The following CAMK2D variants were observed in gnomAD, a reference collection of about 807,000 sequenced individuals.
CAMK2D encodes the protein calcium/calmodulin-dependent protein kinase type II subunit delta.
In CAMK2D, 37 loss-of-function variants were observed where a neutral mutation model predicts 84.0. That is an observed-to-expected ratio of 0.44 (90% CI 0.34 to 0.58). CAMK2D has a LOEUF of 0.58. CAMK2D is among the 20% of genes least tolerant of loss of function. The pLI is 0.02. For synonymous variants in CAMK2D, 202 were observed against 212.5 expected (o/e 0.95, Z 0.43); for missense variants, 448 against 652.5 (o/e 0.69, Z 3.41).
chr4:113,514,143 G>A (rs192879991), intron 10 of CAMK2D, among the ~76,000 whole-genome samples: 237 of 152,312 alleles, frequency 1.6e-3, no homozygotes, highest in Non-Finnish European at 2.5e-3. Context: ...GGCCGGGCGC[G>A]GTGGGTCACG....
intron 2 of CAMK2D, among the ~76,000 whole-genome samples, chr4:113,691,589 T>A (rs982541141): frequency 6.6e-6 from 1 of 151,796 alleles, no homozygotes; most frequent in African/African-American, 2.4e-5. Context: ...ACCGTCTCTA[T>A]GAAAAGTACA....
intron 2 of CAMK2D, among the ~76,000 whole-genome samples, chr4:113,733,864 A>G (rs574718240): frequency 6.6e-6 from 1 of 152,340 alleles, no homozygotes; most frequent in East Asian, 1.9e-4. Context: ...TCTGACTTTT[A>G]AAATACATAC....
chr4:113,626,891 C>T (rs1049871678), intron 3 of CAMK2D, among the ~76,000 whole-genome samples: 5 of 152,082 alleles, frequency 3.3e-5, no homozygotes, highest in Admixed American at 6.6e-5. Flanking sequence ...TTTAATTTCG[C>T]GGTATGATGA....
chr4:113,612,213 G>A (rs2099003153), intron 3 of CAMK2D, among the ~76,000 whole-genome samples: 1 of 152,094 alleles, frequency 6.6e-6, no homozygotes, highest in South Asian at 2.1e-4. Context: ...CAGAGTTGAT[G>A]GTATGTCTAA....
At chr4:113,603,846 G>A (rs1213990962) in intron 4 of CAMK2D, among the ~76,000 whole-genome samples, 1 of 145,376 alleles carries the variant, frequency 6.9e-6, no homozygotes, top group Non-Finnish European at 1.5e-5. Flanking sequence ...TCACACCTGA[G>A]CACTTGGGGA....
chr4:113,717,476 T>G (rs1593489658), intron 2 of CAMK2D, among the ~76,000 whole-genome samples: 1 of 152,130 alleles, frequency 6.6e-6, no homozygotes, highest in African/African-American at 2.4e-5. Flanking sequence ...ATTCCAGGAC[T>G]TGGTACTGCC....
chr4:113,663,775 CA>C (rs2099246546), intron 2 of CAMK2D, among the ~76,000 whole-genome samples: 1 of 151,342 alleles, frequency 6.6e-6, no homozygotes, highest in African/African-American at 2.4e-5. Context: ...AAAAAGGAAG[CA>C]AAAGACCTTT....
In CAMK2D at chr4:113,761,493, G is replaced by C; in HGVS notation, c.-425C>G. 2 of 1,055,928 alleles carry C rather than the reference G, an allele frequency of 1.9e-6. No individual in the cohort carries two copies. Among genetic ancestry groups the C allele is most frequent in the Non-Finnish European group, 2.3e-6 (2 of 871,276 alleles). 65.4% of individuals were successfully genotyped at this position (1,055,928 alleles called of 1,614,324 possible). On this transcript the variant is annotated 5_prime_UTR_variant, in exon 1 of 21. Transcript: ENST00000511664. ...AGGAGGAGTAGAAGCAGAGGGGAGGGAGTCCGAGGGGGCGGAGGTGGAGTG... is the reference window on the plus strand; with the variant it reads ...AGGAGGAGTAGAAGCAGAGGGGAGGCAGTCCGAGGGGGCGGAGGTGGAGTG...
chr4:113,759,911 C>T (rs868138854), intron 1 of CAMK2D, among the ~76,000 whole-genome samples: 1 of 152,078 alleles, frequency 6.6e-6, no homozygotes, highest in Non-Finnish European at 1.5e-5. Flanking sequence ...TTTCTCTATG[C>T]CTTGTTTTGG....
At chr4:113,677,245 A>G (rs1388108129) in intron 2 of CAMK2D, among the ~76,000 whole-genome samples, 2 of 152,098 alleles carry the variant, frequency 1.3e-5, no homozygotes, top group Non-Finnish European at 2.9e-5. Flanking sequence ...CCTCTATATT[A>G]TACTTGACCC....
intron 16 of CAMK2D, among the ~76,000 whole-genome samples, chr4:113,476,146 TC>T (rs1441585603): frequency 6.6e-6 from 1 of 152,164 alleles, no homozygotes; most frequent in Non-Finnish European, 1.5e-5. Context: ...GCATTGTAGA[TC>T]CAAAGGCCAG....
intron 8 of CAMK2D, among the ~76,000 whole-genome samples, chr4:113,521,022 C>CACAA (rs1184442072): frequency 2.6e-5 from 4 of 152,112 alleles, no homozygotes; most frequent in Admixed American, 6.6e-5. Context: ...GAGTGAGACT[C>CACAA]ACAAACAAAC....
intron 16 of CAMK2D, among the ~76,000 whole-genome samples, chr4:113,493,577 T>C (rs1249369423): frequency 1.3e-5 from 2 of 151,996 alleles, no homozygotes; most frequent in Non-Finnish European, 2.9e-5. Context: ...CCCTTAACAT[T>C]TTTTCCTTCA....
intron 2 of CAMK2D, among the ~76,000 whole-genome samples, chr4:113,729,433 T>G (rs1458517101): frequency 2.0e-5 from 3 of 152,178 alleles, no homozygotes; most frequent in African/African-American, 4.8e-5. Flanking sequence ...ACTGGGCCTT[T>G]CCTTTGTTCT....
chr4:113,618,088 T>A (rs2154274817), intron 3 of CAMK2D, among the ~76,000 whole-genome samples: 1 of 152,292 alleles, frequency 6.6e-6, no homozygotes, highest in East Asian at 1.9e-4. Flanking sequence ...TTTTTACATT[T>A]CTACATTCCT....
chr4:113,556,104 A>G (rs991180877), intron 4 of CAMK2D, among the ~76,000 whole-genome samples: 4 of 152,168 alleles, frequency 2.6e-5, no homozygotes, highest in Non-Finnish European at 4.4e-5. Context: ...AAGCAGCCCA[A>G]AAGACTAAGA....
intron 16 of CAMK2D, among the ~76,000 whole-genome samples, chr4:113,470,449 C>A (rs1204063266): frequency 6.6e-6 from 1 of 152,070 alleles, no homozygotes; most frequent in African/African-American, 2.4e-5. Context: ...ACCATCCTGG[C>A]CAACATGGTG....
At chr4:113,752,883 T>C (rs1247710168) in intron 2 of CAMK2D, among the ~76,000 whole-genome samples, 1 of 152,160 alleles carries the variant, frequency 6.6e-6, no homozygotes, top group Non-Finnish European at 1.5e-5. Flanking sequence ...CTAAATGTAT[T>C]TTCCCAAAGA....
chr4:113,632,620 A>T (rs1296501582), intron 3 of CAMK2D, among the ~76,000 whole-genome samples: 2 of 143,470 alleles, frequency 1.4e-5, no homozygotes, highest in Non-Finnish European at 3.1e-5. Flanking sequence ...AGCTCAGTTT[A>T]AAAAAAAAAA....
Sources: gnomAD v4.1 joint callset for allele counts (sites outside exome capture counted in the v4.1 genomes callset) on GRCh38, gnomAD v4.1.1 for gene constraint, MANE v1.5 for transcripts, NCBI Gene and HGNC (gene_info 2026-07-23, HGNC 2026-07-21) for gene names.